The following NCBP3 variants were observed in gnomAD, a reference collection of about 807,000 sequenced individuals.
The protein encoded by NCBP3 is nuclear cap-binding protein subunit 3.
Under a neutral mutation model 75.7 loss-of-function variants are expected in NCBP3, and 20 were observed. That is an observed-to-expected ratio of 0.26 (90% CI 0.19 to 0.38). The LOEUF (loss-of-function observed/expected upper bound fraction) is 0.38, where lower values mean the gene tolerates loss of function less well. Ranked by LOEUF, NCBP3 falls within the 10% of genes least tolerant of loss-of-function variation. NCBP3 has a pLI of 1.00. For missense variants in NCBP3, 678 were observed against 796.9 expected, an observed-to-expected ratio of 0.85 and a Z score of 1.80; for synonymous variants, 293 against 290.5, an observed-to-expected ratio of 1.01 and a Z score of -0.09.
chr17:3,812,579 C>T lies in NCBP3; in HGVS notation c.*465G>A. 9.9e-7 allele frequency: 1 copy of T among 1,010,004 alleles called. No homozygotes were observed. Among genetic ancestry groups the T allele is most frequent in the South Asian group, 4.1e-5 (1 of 24,240 alleles). 62.6% of individuals were successfully genotyped at this position (1,010,004 alleles called of 1,614,324 possible). ...CCGGAAGGGTGAGCTGGCCGCTTCC[C>T]TCCTCTTCCCCCTCGAAGGATGTCC... is the stretch of plus-strand genomic sequence containing the variant. On this transcript the variant is annotated 3_prime_UTR_variant, in exon 13 of 13. Transcript: ENST00000389005.
chr17:3,844,565 T>C (rs368051391), intron 1 of NCBP3, among the ~76,000 whole-genome samples: 1 of 152,108 alleles, frequency 6.6e-6, no homozygotes, highest in African/African-American at 2.4e-5. Flanking sequence ...AATAAATACA[T>C]GTTGGCCGGA....
chr17:3,822,956 G>A (rs1281897201), intron 7 of NCBP3: 1 of 152,204 alleles, frequency 6.6e-6, no homozygotes, highest in Non-Finnish European at 1.5e-5. Context: ...AAAGAATCAT[G>A]GAGTATGTCA....
intron 3 of NCBP3, among the ~76,000 whole-genome samples, chr17:3,832,427 G>A (rs146965302): frequency 0.023 from 2,752 of 117,252 alleles, 364 homozygotes; most frequent in African/African-American, 0.066. Flanking sequence ...AGGTCAGATC[G>A]AGACCATCCT....
At chr17:3,842,340 G>C (rs2054079271) in intron 2 of NCBP3, among the ~76,000 whole-genome samples, 1 of 151,924 alleles carries the variant, frequency 6.6e-6, no homozygotes, top group African/African-American at 2.4e-5. Flanking sequence ...CAGAAGAATC[G>C]CTGGAACCCA....
chr17:3,815,305 C>CA (rs1329697434), intron 11 of NCBP3, among the ~76,000 whole-genome samples: 3 of 152,190 alleles, frequency 2.0e-5, no homozygotes, highest in African/African-American at 7.2e-5. Context: ...CTACCCTCTC[C>CA]AAGGCCTGGC....
chr17:3,845,955 G>T, intron 1 of NCBP3, 86 bp downstream of exon 1: 1 of 1,421,548 alleles, frequency 7.0e-7, no homozygotes, highest in Non-Finnish European at 9.5e-7. Context: ...CCCGGCTGGG[G>T]CTCCGGCCAC....
intron 9 of NCBP3, among the ~76,000 whole-genome samples, chr17:3,819,347 G>C (rs1206181386): frequency 6.6e-6 from 1 of 152,120 alleles, no homozygotes; most frequent in Non-Finnish European, 1.5e-5. Context: ...CACGAGGTCA[G>C]GAAATCGAGA....
rs1306405097 is a variant in NCBP3, at chr17:3,811,316, A to G, written c.*1728T>C. ...ACTCCCCAAACCCTGACCCTTCCTA[A>G]GAACCTGGCTCTCAGCTGTATGCTT... On this transcript the variant is annotated 3_prime_UTR_variant, in exon 13 of 13. Transcript: ENST00000389005. 3 of 152,222 alleles carry G rather than the reference A, an allele frequency of 2.0e-5. No individual in the cohort carries two copies. Among genetic ancestry groups the G allele is most frequent in the Non-Finnish European group, 4.4e-5 (3 of 68,056 alleles). 9.4% of individuals were successfully genotyped at this position (152,222 alleles called of 1,614,324 possible).
At position 3,814,372 on chromosome 17, in the gene NCBP3, G is replaced by A; in HGVS notation, c.1577C>T (p.Pro526Leu). The change falls in exon 12 of 13, where the codon CCC (proline) becomes CTC (leucine). Residue 526 changes from proline to leucine, a missense_variant. Pro to Leu is a moderately conservative substitution (Grantham distance 98). Transcript: ENST00000389005. ...SSDVHSRLGV[P>L]RQDSKGLYAD... ...GTAGAGGCCTTTACTATCCTGCCTG[G>A]GAACACCTAGCCTACTATGCACATC... is the stretch of plus-strand genomic sequence containing the variant. 1.9e-6 allele frequency: 3 copies of A among 1,614,124 alleles called. No individual in the cohort carries two copies.
In NCBP3 at chr17:3,809,497, G is replaced by A. The variant is rs2143621026; in HGVS notation, c.*3547C>T. The stretch of plus-strand genomic sequence containing the variant: ...GAGGTGGGCAGATCACCTGAGGTCA[G>A]GAGTTCGAGACCAGCCTGACCAACA... On this transcript the variant is annotated 3_prime_UTR_variant, in exon 13 of 13. Coordinates refer to ENST00000389005, the MANE Select transcript of NCBP3 (RefSeq NM_001114118.3). The A allele has an allele frequency of 6.6e-6, 1 of 152,348 alleles. No homozygotes were observed. Among genetic ancestry groups the A allele is most frequent in the East Asian group, 1.9e-4 (1 of 5,184 alleles). The allele number at this position is 152,348 out of a possible 1,614,324, so 9.4% of individuals were successfully genotyped here. A position where few individuals can be genotyped will look rare whatever the true frequency, so the allele number is the denominator to read the frequency against.
At position 3,810,192 on chromosome 17, in the gene NCBP3, T is replaced by C. The variant is rs973602703; in HGVS notation, c.*2852A>G. On this transcript the variant is annotated 3_prime_UTR_variant, in exon 13 of 13. Coordinates refer to ENST00000389005, the MANE Select transcript of NCBP3 (RefSeq NM_001114118.3). ...AGCTGGTAACAACAACAAAGGTTCA[T>C]CCCGCTGCAGTGTGCAGAATGGAGA... The C allele has an allele frequency of 3.3e-5, 5 of 152,168 alleles. No individual in the cohort carries two copies. The highest frequency in any genetic ancestry group is 7.3e-5 in the Non-Finnish European group (5 of 68,044). 9.4% of individuals were successfully genotyped at this position (152,168 alleles called of 1,614,324 possible).
intron 1 of NCBP3, among the ~76,000 whole-genome samples, chr17:3,845,009 ATATT>A (rs2054136381): frequency 6.6e-6 from 1 of 152,170 alleles, no homozygotes; most frequent in African/African-American, 2.4e-5. Flanking sequence ...AACTGCAGTA[ATATT>A]TATTTATTTT....
In NCBP3 at chr17:3,846,010, C is replaced by A. The variant is rs945379828; in HGVS notation, c.183+31G>T. 1 of 1,541,008 alleles carries A rather than the reference C, an allele frequency of 6.5e-7. No homozygotes were observed. Among genetic ancestry groups the A allele is most frequent in the Non-Finnish European group, 8.8e-7 (1 of 1,142,150 alleles). On this transcript the variant is annotated intron_variant, in intron 1 of 12. Coordinates refer to ENST00000389005, the MANE Select transcript of NCBP3 (RefSeq NM_001114118.3). This position sits in a 1 kb window ranked among gnomAD's most constrained non-coding sequence, Gnocchi z 4.6. ...CGGCGCTAGACACTAGCCCCGCGAC[C>A]TCTTCCTTACCCCCCGACCCCCGCC...
rs1597388397 is a variant in NCBP3 at position 3,809,149 on chromosome 17, A to T, written c.*3895T>A. The T allele has an allele frequency of 6.6e-6, 1 of 152,136 alleles. No homozygotes were observed. Among genetic ancestry groups the T allele is most frequent in the African/African-American group, 2.4e-5 (1 of 41,430 alleles). 9.4% of individuals were successfully genotyped at this position (152,136 alleles called of 1,614,324 possible). A position where few individuals can be genotyped will look rare whatever the true frequency, so the allele number is the denominator to read the frequency against. ...TGTATTTTAAAAAGAAAAAATAAAA[A>T]CAAAAAACTACAATGAGATACCACT... is the stretch of plus-strand genomic sequence containing the variant. On this transcript the variant is annotated 3_prime_UTR_variant, in exon 13 of 13. Coordinates refer to ENST00000389005, the MANE Select transcript of NCBP3 (RefSeq NM_001114118.3).
Position 3,808,865 on chromosome 17 carries a change from T to C in NCBP3, c.*4179A>G, listed in dbSNP as rs950428302. The C allele has an allele frequency of 6.6e-6, 1 of 152,034 alleles. No homozygotes were observed. Among genetic ancestry groups the C allele is most frequent in the Non-Finnish European group, 1.5e-5 (1 of 68,020 alleles). 9.4% of individuals were successfully genotyped at this position (152,034 alleles called of 1,614,324 possible). The stretch of plus-strand genomic sequence containing the variant: ...AGTGTGGAATTTATTCTCGGGGCAA[T>C]AGTGAAGCTTTGGAAAACGTTCAAG... On this transcript the variant is annotated 3_prime_UTR_variant, in exon 13 of 13. Transcript: ENST00000389005.
rs2053298863 is a variant in NCBP3, at chr17:3,803,469, T to C, written c.*9575A>G. On this transcript the variant is annotated 3_prime_UTR_variant, in exon 13 of 13. Transcript: ENST00000389005. ...CAGAGAATATTACACATTTCCTGAA[T>C]TTGAGAACTGTACCATGGGCATGTG... The C allele has an allele frequency of 6.6e-6, 1 of 152,200 alleles. No homozygotes were observed. The highest frequency in any genetic ancestry group is 1.5e-5 in the Non-Finnish European group (1 of 68,034). 9.4% of individuals were successfully genotyped at this position (152,200 alleles called of 1,614,324 possible). A position where few individuals can be genotyped will look rare whatever the true frequency, so the allele number is the denominator to read the frequency against.
Position 3,825,817 on chromosome 17 carries a change from C to A in NCBP3, c.637G>T (p.Asp213Tyr). ...KDKQEDSSDD[D>Y]EAEEGEVEDE... ...TCAACCTCTCCTTCTTCAGCTTCAT[C>A]ATCATCTGAACTGTCTTCCTGCTTG... The change falls in exon 6 of 13, where the codon GAT (aspartate) becomes TAT (tyrosine). Residue 213 changes from aspartate to tyrosine, a missense_variant. This residue lies in a region of NCBP3 where 98 missense variants were observed against 101.8 expected (regional missense o/e 0.96). Coordinates refer to ENST00000389005, the MANE Select transcript of NCBP3 (RefSeq NM_001114118.3). 2 of 1,551,582 alleles carry A rather than the reference C, an allele frequency of 1.3e-6. No individual in the cohort carries two copies. Among genetic ancestry groups the A allele is most frequent in the Non-Finnish European group, 1.7e-6 (2 of 1,146,982 alleles).
At chr17:3,845,139 C>T (rs1771489421) in intron 1 of NCBP3, among the ~76,000 whole-genome samples, 1 of 152,220 alleles carries the variant, frequency 6.6e-6, no homozygotes, top group African/African-American at 2.4e-5. Context: ...AAGGCGTGCA[C>T]GGCCAGTATA....
rs1034891673 is a variant in NCBP3 at position 3,840,210 on chromosome 17, A to G, written c.250-5T>C. On this transcript the variant is annotated splice_polypyrimidine_tract_variant and splice_region_variant and intron_variant, in intron 2 of 12. Coordinates refer to ENST00000389005, the MANE Select transcript of NCBP3 (RefSeq NM_001114118.3). The stretch of plus-strand genomic sequence containing the variant: ...CTCTTTCTTTTCAATTGCTTCCTAG[A>G]AAGTACAGAAAAAGTGAAAGTAGTA... 8 of 1,550,664 alleles carry G rather than the reference A, an allele frequency of 5.2e-6. No individual in the cohort carries two copies. Among genetic ancestry groups the G allele is most frequent in the South Asian group, 4.8e-5 (4 of 84,038 alleles).
Sources: gnomAD v4.1 joint callset for allele counts (sites outside exome capture counted in the v4.1 genomes callset) on GRCh38, gnomAD v4.1.1 for gene constraint, gnomAD v4.1.1 regional missense constraint, Gnocchi (gnomAD v3.1) non-coding constraint, MANE v1.5 for transcripts, NCBI Gene and HGNC (gene_info 2026-07-23, HGNC 2026-07-21) for gene names.